The following MACROD2 variants were observed in gnomAD, a reference collection of about 807,000 sequenced individuals.
The protein encoded by MACROD2 is mono-ADP ribosylhydrolase 2, also known as ADP-ribose glycohydrolase MACROD2.
A neutral mutation model predicts 70.4 loss-of-function variants in MACROD2; 36 were observed. The observed-to-expected ratio is 0.51, with a 90% confidence interval of 0.39 to 0.68. The LOEUF (loss-of-function observed/expected upper bound fraction) is 0.68. Ranked by LOEUF, MACROD2 falls within the 30% of genes least tolerant of loss-of-function variation. The pLI, the probability that MACROD2 is intolerant of heterozygous loss-of-function variation, is 0.00. For synonymous variants in MACROD2, 172 were observed against 178.8 expected, an observed-to-expected ratio of 0.96 and a Z score of 0.30; for missense variants, 496 against 538.4, an observed-to-expected ratio of 0.92 and a Z score of 0.78.
chr20:15,967,567 GA>G lies in MACROD2; in HGVS notation c.926del (p.Asn309IlefsTer8). The G allele has an allele frequency of 6.2e-7, 1 of 1,605,054 alleles. No individual in the cohort carries two copies. The highest frequency in any genetic ancestry group is 8.5e-7 in the Non-Finnish European group (1 of 1,175,360). On this transcript the variant is annotated frameshift_variant, in exon 13 of 18. Transcript: ENST00000684519. LOFTEE classifies it high-confidence loss of function. ...DCKDEDFAKD[E>X]NITKGGEVTD... ...TTTGTTGTTAGATTTTGCAAAGGATGAAAATATTACAAAAGGCGGTGAAGTG... is the reference window on the plus strand; with the variant it reads ...TTTGTTGTTAGATTTTGCAAAGGATGAAATATTACAAAAGGCGGTGAAGTG...
intron 17 of MACROD2, among the ~76,000 whole-genome samples, chr20:16,045,601 G>A (rs745434587): frequency 1.3e-5 from 2 of 152,006 alleles, no homozygotes; most frequent in Admixed American, 6.6e-5. Flanking sequence ...GTTGTGAAAC[G>A]TCTTTGCCCT....
At chr20:15,852,025 C>A (rs1387327338) in intron 8 of MACROD2, among the ~76,000 whole-genome samples, 1 of 152,188 alleles carries the variant, frequency 6.6e-6, no homozygotes, top group Non-Finnish European at 1.5e-5. Context: ...GATACAAGGG[C>A]AGAACAGGTC....
At chr20:14,304,903 T>C (rs1386029783) in intron 3 of MACROD2, among the ~76,000 whole-genome samples, 1 of 152,160 alleles carries the variant, frequency 6.6e-6, no homozygotes, top group Non-Finnish European at 1.5e-5. Context: ...TGTTCCTTGC[T>C]CTGGGACTTT....
At chr20:15,393,479 C>G (rs2045819800) in intron 6 of MACROD2, among the ~76,000 whole-genome samples, 3 of 152,118 alleles carry the variant, frequency 2.0e-5, no homozygotes, top group African/African-American at 7.2e-5. Flanking sequence ...ATAAATTTTT[C>G]CTTTATTCTG....
intron 8 of MACROD2, among the ~76,000 whole-genome samples, chr20:15,686,025 A>G (rs980415400): frequency 6.6e-6 from 1 of 152,214 alleles, no homozygotes; most frequent in African/African-American, 2.4e-5. Context: ...TTATGAAGGA[A>G]GGAAGTAATG....
At chr20:15,836,758 C>T (rs1477317927) in intron 8 of MACROD2, among the ~76,000 whole-genome samples, 1 of 152,190 alleles carries the variant, frequency 6.6e-6, no homozygotes, top group African/African-American at 2.4e-5. Context: ...CATCAACCTC[C>T]ATGAGCTGCG....
intron 3 of MACROD2, among the ~76,000 whole-genome samples, chr20:14,289,367 C>T (rs2082367902): frequency 6.6e-6 from 1 of 152,220 alleles, no homozygotes; most frequent in African/African-American, 2.4e-5. Context: ...CCCTTGCTCA[C>T]TGTAGTAAAT....
intron 3 of MACROD2, among the ~76,000 whole-genome samples, chr20:14,486,638 C>A (rs1437468909): frequency 6.6e-6 from 1 of 150,984 alleles, no homozygotes; most frequent in Non-Finnish European, 1.5e-5. Context: ...CATGCCTCAG[C>A]CTCCTGAGTA....
At chr20:15,168,458 T>C (rs1429979385) in intron 5 of MACROD2, among the ~76,000 whole-genome samples, 1 of 150,330 alleles carries the variant, frequency 6.7e-6, no homozygotes, top group Non-Finnish European at 1.5e-5. Flanking sequence ...TGTGTGTGTG[T>C]GTGTGTGTGT....
intron 3 of MACROD2, among the ~76,000 whole-genome samples, chr20:14,448,874 G>T (rs1021839210): frequency 6.6e-6 from 1 of 152,038 alleles, no homozygotes; most frequent in Non-Finnish European, 1.5e-5. Context: ...ATATTTGAAT[G>T]TATTAATTTT....
chr20:14,486,377 C>T (rs2084730534), intron 3 of MACROD2, among the ~76,000 whole-genome samples: 1 of 152,010 alleles, frequency 6.6e-6, no homozygotes, highest in Non-Finnish European at 1.5e-5. Context: ...TGACTGAACC[C>T]AACTAGAGAC....
At chr20:15,219,042 T>G (rs2076835475) in intron 5 of MACROD2, among the ~76,000 whole-genome samples, 1 of 151,382 alleles carries the variant, frequency 6.6e-6, no homozygotes, top group Non-Finnish European at 1.5e-5. Context: ...CGAGACTCCG[T>G]CTCAAAAAAA....
intron 4 of MACROD2, among the ~76,000 whole-genome samples, chr20:14,622,382 A>G (rs1160815056): frequency 2.0e-5 from 3 of 152,192 alleles, no homozygotes; most frequent in African/African-American, 4.8e-5. Flanking sequence ...TGCTGTGTGC[A>G]GTCATATATG....
Position 14,095,588 on chromosome 20 carries a change from A to G in MACROD2, c.271+9860A>G, listed in dbSNP as rs1037464352. Among the ~76,000 whole-genome samples the G allele has an allele frequency of 1.8e-4, 27 of 152,166 alleles. 1 individual carries two copies. The highest frequency in any genetic ancestry group is 1.5e-5 in the Non-Finnish European group (1 of 68,030). ...CATCTTTCCTGTTGAATTCTTTCAC[A>G]CAGAAGCTATGATACCATCCTAAGC... On this transcript the variant is annotated intron_variant, in intron 3 of 17. Coordinates refer to ENST00000684519, the MANE Select transcript of MACROD2 (RefSeq NM_001351661.2).
At chr20:15,447,727 C>T (rs546552462) in intron 7 of MACROD2, among the ~76,000 whole-genome samples, 93 of 152,176 alleles carry the variant, frequency 6.1e-4, no homozygotes, top group African/African-American at 2.2e-3. Flanking sequence ...CTTAGGAAAC[C>T]CCAGGAAATG....
At chr20:15,903,624 G>A (rs2147249298) in intron 10 of MACROD2, among the ~76,000 whole-genome samples, 1 of 152,344 alleles carries the variant, frequency 6.6e-6, no homozygotes, top group Non-Finnish European at 1.5e-5. Flanking sequence ...TCTTCCAGGT[G>A]ATGCCCTACG....
chr20:15,828,505 G>A (rs2147113231), intron 8 of MACROD2, among the ~76,000 whole-genome samples: 1 of 152,224 alleles, frequency 6.6e-6, no homozygotes, highest in Admixed American at 6.5e-5. Flanking sequence ...CTCTTGAAGG[G>A]AAGAAAATCA....
At chr20:15,005,517 A>G (rs1003706162) in intron 5 of MACROD2, among the ~76,000 whole-genome samples, 2 of 152,118 alleles carry the variant, frequency 1.3e-5, no homozygotes, top group African/African-American at 4.8e-5. Flanking sequence ...ACGCATTTTA[A>G]TTTTCAAAGA....
At chr20:15,078,389 G>A (rs1328858497) in intron 5 of MACROD2, among the ~76,000 whole-genome samples, 1 of 152,114 alleles carries the variant, frequency 6.6e-6, no homozygotes, top group African/African-American at 2.4e-5. Context: ...ACAGAGAAGG[G>A]GGATGAAAGG....
Sources: gnomAD v4.1 joint callset for allele counts (sites outside exome capture counted in the v4.1 genomes callset) on GRCh38, gnomAD v4.1.1 for gene constraint, MANE v1.5 for transcripts, NCBI Gene and HGNC (gene_info 2026-07-23, HGNC 2026-07-21) for gene names.